Variants in THRB observed in about 807,000 individuals in gnomAD.
The protein encoded by THRB is nuclear receptor subfamily 1 group A member 2.
THRB carries 12 observed loss-of-function variants against 47.8 expected under a neutral mutation model. That is an observed-to-expected ratio of 0.25 (90% confidence interval 0.16 to 0.41). The LOEUF is 0.41. Ranked by LOEUF, THRB falls within the 10% of genes least tolerant of loss-of-function variation. The pLI, the probability that THRB is intolerant of heterozygous loss-of-function variation, is 1.00. For synonymous variants in THRB, 218 were observed against 212.2 expected, an observed-to-expected ratio of 1.03 and a Z score of -0.24; for missense variants, 348 against 589.2, an observed-to-expected ratio of 0.59 and a Z score of 4.24.
chr3:24,411,524 T>A (rs1355195568), intron 1 of THRB, among the ~76,000 whole-genome samples: 1 of 136,974 alleles, frequency 7.3e-6, no homozygotes, highest in African/African-American at 2.8e-5. Flanking sequence ...GTGCAATTAA[T>A]TGGAAGGCTC....
rs544232849 is a variant in THRB, at chr3:24,135,796, C to G, written c.739-2334G>C. ...GATCAACTGATAAAAGGAATGTGGG[C>G]ACACATTCAAAAAGGCAGAGAGTCA... On this transcript the variant is annotated intron_variant, in intron 8 of 10. Coordinates refer to ENST00000646209, the MANE Select transcript of THRB (RefSeq NM_001354712.2). 1.3e-4 allele frequency among the ~76,000 whole-genome samples: 17 copies of G among 134,762 alleles called. No individual in the cohort carries two copies. In the East Asian group the frequency reaches 3.5e-3, roughly 27 times the overall value. The allele number at this position is 134,762 out of a possible 152,430, so 88.4% of individuals were successfully genotyped here. A position where few individuals can be genotyped will look rare whatever the true frequency, so the allele number is the denominator to read the frequency against.
chr3:24,397,673 C>T lies in THRB; in HGVS notation c.-260-60302G>A, dbSNP rs147037198. Among the ~76,000 whole-genome samples, 5 of 149,124 alleles carry T rather than the reference C, an allele frequency of 3.4e-5. No homozygotes were observed. The East Asian group carries it at 9.9e-4, about 30-fold the overall frequency. ...TGGAGTGCAGTGGTGCTATCTGCCTCCTGGGTTCAAGCGATTCTCCTGCCT... is the reference window on the plus strand; with the variant it reads ...TGGAGTGCAGTGGTGCTATCTGCCTTCTGGGTTCAAGCGATTCTCCTGCCT... On this transcript the variant is annotated intron_variant, in intron 1 of 10. Coordinates refer to ENST00000646209, the MANE Select transcript of THRB (RefSeq NM_001354712.2).
chr3:24,360,446 C>T (rs899766665), intron 1 of THRB, among the ~76,000 whole-genome samples: 6 of 152,114 alleles, frequency 3.9e-5, no homozygotes, highest in Admixed American at 1.3e-4. Flanking sequence ...AATACGCAGG[C>T]GATGCATATT....
intron 1 of THRB, among the ~76,000 whole-genome samples, chr3:24,491,758 T>C (rs1442508779): frequency 2.0e-5 from 3 of 152,224 alleles, no homozygotes; most frequent in Non-Finnish European, 2.9e-5. Flanking sequence ...CAGTGAAGTC[T>C]AGTCCCTGGA....
At chr3:24,426,825 C>T (rs1282756555) in intron 1 of THRB, among the ~76,000 whole-genome samples, 2 of 151,808 alleles carry the variant, frequency 1.3e-5, no homozygotes, top group Non-Finnish European at 2.9e-5. Flanking sequence ...CACTTTTATC[C>T]CCATGATTTA....
At chr3:24,126,857 A>C (rs1461349301) in intron 10 of THRB, among the ~76,000 whole-genome samples, 1 of 152,174 alleles carries the variant, frequency 6.6e-6, no homozygotes, top group Non-Finnish European at 1.5e-5. Context: ...GTGATTTGAG[A>C]CTGGGCCTCA....
intron 1 of THRB, among the ~76,000 whole-genome samples, chr3:24,450,863 T>G (rs62228823): frequency 0.043 from 6,616 of 152,318 alleles, 189 homozygotes; most frequent in Non-Finnish European, 0.065. Flanking sequence ...GATTAATCCA[T>G]GCAGCTCTTT....
intron 3 of THRB, among the ~76,000 whole-genome samples, chr3:24,267,280 C>T (rs1010493397): frequency 1.3e-5 from 2 of 149,700 alleles, no homozygotes; most frequent in African/African-American, 4.9e-5. Context: ...GGTGGAGAAC[C>T]AAGACAATAG....
At chr3:24,273,007 T>C (rs1253111626) in intron 3 of THRB, among the ~76,000 whole-genome samples, 5 of 152,204 alleles carry the variant, frequency 3.3e-5, no homozygotes. Flanking sequence ...CCTCAGTATA[T>C]GACATCATCA....
chr3:24,427,036 A>G (rs2069838783), intron 1 of THRB, among the ~76,000 whole-genome samples: 1 of 151,932 alleles, frequency 6.6e-6, no homozygotes, highest in South Asian at 2.1e-4. Context: ...TTCAAACTGC[A>G]TTGTTCAGCT....
chr3:24,255,255 C>A (rs1469041269), intron 3 of THRB, among the ~76,000 whole-genome samples: 1 of 152,152 alleles, frequency 6.6e-6, no homozygotes, highest in East Asian at 1.9e-4. Flanking sequence ...CTCTATGCAT[C>A]CTTTTGTGAA....
chr3:24,495,183 G>C (rs553027234), upstream of THRB: 1 of 152,618 alleles, frequency 6.6e-6, no homozygotes, highest in South Asian at 2.0e-4. Context: ...CGGTGACCTG[G>C]TTTCCCCTCC....
At chr3:24,287,200 C>T (rs1051133158) in intron 3 of THRB, among the ~76,000 whole-genome samples, 2 of 152,058 alleles carry the variant, frequency 1.3e-5, no homozygotes, top group African/African-American at 2.4e-5. Context: ...TAACTCTGTT[C>T]GTCCCCTACC....
intron 4 of THRB, among the ~76,000 whole-genome samples, chr3:24,215,471 G>T (rs1394364067): frequency 6.6e-6 from 1 of 152,104 alleles, no homozygotes; most frequent in Non-Finnish European, 1.5e-5. Flanking sequence ...AGGAAAGGTG[G>T]GTAAAACAGA....
chr3:24,463,373 A>C (rs984379316), intron 1 of THRB, among the ~76,000 whole-genome samples: 4 of 152,136 alleles, frequency 2.6e-5, no homozygotes, highest in African/African-American at 9.6e-5. Context: ...CCATCCTTCC[A>C]CCTCAGCCTG....
intron 4 of THRB, among the ~76,000 whole-genome samples, chr3:24,210,398 GTTTAT>G (rs1333366355): frequency 1.3e-5 from 2 of 151,312 alleles, no homozygotes; most frequent in Non-Finnish European, 2.9e-5. Context: ...ACCCAGGTTG[GTTTAT>G]TTGTTTGTTT....
At chr3:24,261,497 C>CAAAAA (rs35109952) in intron 3 of THRB, among the ~76,000 whole-genome samples, 2 of 88,270 alleles carry the variant, frequency 2.3e-5, no homozygotes, top group Admixed American at 1.3e-4. Context: ...GATTCTGTCT[C>CAAAAA]AAAAAAAAAA....
chr3:24,401,635 A>G (rs1181618484), intron 1 of THRB, among the ~76,000 whole-genome samples: 1 of 152,006 alleles, frequency 6.6e-6, no homozygotes, highest in Non-Finnish European at 1.5e-5. Context: ...TAGTGTTCTT[A>G]CTGCATTTCT....
intron 1 of THRB, among the ~76,000 whole-genome samples, chr3:24,407,254 A>T (rs1489583323): frequency 2.0e-5 from 3 of 151,772 alleles, no homozygotes; most frequent in African/African-American, 7.2e-5. Flanking sequence ...TGCTGATTCC[A>T]TGTACATGTC....
Sources: allele counts gnomAD v4.1 joint callset (sites outside exome capture counted in the v4.1 genomes callset), GRCh38; gene constraint gnomAD v4.1.1; transcripts MANE v1.5; gene names NCBI Gene and HGNC (gene_info 2026-07-23, HGNC 2026-07-21).